Variants in PLPP4 observed in about 807,000 individuals in gnomAD.
PLPP4 encodes diacylglycerol pyrophosphate like 2.
Under a neutral mutation model 32.2 loss-of-function variants are expected in PLPP4, and 20 were observed. That is an observed-to-expected ratio of 0.62 (90% CI 0.44 to 0.90). PLPP4 has a LOEUF of 0.90. Among genes scored for constraint, PLPP4 ranks in the 40% least tolerant of loss-of-function variants. The pLI, the probability that PLPP4 is intolerant of heterozygous loss-of-function variation, is 0.00. For synonymous variants in PLPP4, 127 were observed against 133.0 expected, an observed-to-expected ratio of 0.95 and a Z score of 0.31; for missense variants, 257 against 353.1, an observed-to-expected ratio of 0.73 and a Z score of 2.18.
chr10:120,467,128 G>T (rs573679984), intron 1 of PLPP4, among the ~76,000 whole-genome samples: 1 of 147,560 alleles, frequency 6.8e-6, no homozygotes, highest in Non-Finnish European at 1.5e-5. Flanking sequence ...GCCCAGGCTG[G>T]ACTGCAGTGG....
chr10:120,577,097 A>C (rs780471326), intron 6 of PLPP4, among the ~76,000 whole-genome samples: 5 of 152,252 alleles, frequency 3.3e-5, no homozygotes, highest in Non-Finnish European at 7.3e-5. Context: ...TTTACTACAC[A>C]CATGCAAAGT....
chr10:120,476,653 G>A (rs185140667), intron 1 of PLPP4, among the ~76,000 whole-genome samples: 4 of 152,318 alleles, frequency 2.6e-5, no homozygotes, highest in African/African-American at 9.6e-5. Context: ...CAGTCTAGTG[G>A]TGATGATCCG....
intron 1 of PLPP4, among the ~76,000 whole-genome samples, chr10:120,478,508 TATATG>T (rs919125492): frequency 6.6e-6 from 1 of 152,250 alleles, no homozygotes; most frequent in African/African-American, 2.4e-5. Flanking sequence ...GTAGGAAACT[TATATG>T]ATACACAGAG....
intron 5 of PLPP4, among the ~76,000 whole-genome samples, chr10:120,572,308 A>T (rs1486701106): frequency 6.6e-6 from 1 of 152,260 alleles, no homozygotes; most frequent in African/African-American, 2.4e-5. Context: ...CCATTTGCCC[A>T]ACAGTGGAGG....
intron 1 of PLPP4, among the ~76,000 whole-genome samples, chr10:120,467,867 T>C (rs1397539791): frequency 1.5e-5 from 1 of 64,652 alleles, no homozygotes. Flanking sequence ...TTAGTCACTT[T>C]TCCTGATCCT....
intron 6 of PLPP4, among the ~76,000 whole-genome samples, chr10:120,580,668 C>CACACAT (rs1455903682): frequency 6.9e-6 from 1 of 145,488 alleles, no homozygotes; most frequent in East Asian, 2.0e-4. Context: ...CACACACACA[C>CACACAT]ACACACACAC....
intron 6 of PLPP4, among the ~76,000 whole-genome samples, chr10:120,586,495 A>T (rs1849768382): frequency 6.6e-6 from 1 of 152,098 alleles, no homozygotes; most frequent in Non-Finnish European, 1.5e-5. Context: ...CTGACTCAGG[A>T]TCACATTCCT....
At chr10:120,463,867 T>C (rs1589708793) in intron 1 of PLPP4, among the ~76,000 whole-genome samples, 1 of 152,048 alleles carries the variant, frequency 6.6e-6, no homozygotes, top group African/African-American at 2.4e-5. Flanking sequence ...CAGGCTGGAG[T>C]GCAGTGGCAT....
intron 5 of PLPP4, among the ~76,000 whole-genome samples, chr10:120,543,246 TC>T (rs1353863765): frequency 6.6e-6 from 1 of 152,184 alleles, no homozygotes; most frequent in African/African-American, 2.4e-5. Context: ...ACCTTTTCAG[TC>T]CTTCCTCCTC....
intron 2 of PLPP4, among the ~76,000 whole-genome samples, chr10:120,512,067 C>T (rs1845750391): frequency 6.6e-6 from 1 of 151,986 alleles, no homozygotes; most frequent in African/African-American, 2.4e-5. Flanking sequence ...GCACTCCAGC[C>T]TGGGTGACAG....
intron 5 of PLPP4, among the ~76,000 whole-genome samples, chr10:120,529,077 G>A (rs1564818545): frequency 6.6e-6 from 1 of 152,010 alleles, no homozygotes; most frequent in Admixed American, 6.6e-5. Flanking sequence ...TCCTCAGGGG[G>A]CATATGAGAA....
intron 1 of PLPP4, among the ~76,000 whole-genome samples, chr10:120,479,501 G>A (rs1844102490): frequency 6.6e-6 from 1 of 152,140 alleles, no homozygotes; most frequent in Non-Finnish European, 1.5e-5. Context: ...CTGAAATGAT[G>A]CTGTCCGTTA....
At position 120,592,014 on chromosome 10, in the gene PLPP4, C is replaced by T. The variant is rs755284408; in HGVS notation, c.*2512C>T. The stretch of plus-strand genomic sequence containing the variant: ...ATGTTTCAATTTCATGCTCTATTCA[C>T]GTGAAGTAAATATAACATCACAGTG... On this transcript the variant is annotated 3_prime_UTR_variant, in exon 7 of 7. Coordinates refer to ENST00000398250, the MANE Select transcript of PLPP4 (RefSeq NM_001030059.3). 4.6e-5 allele frequency among the ~76,000 whole-genome samples: 7 copies of T among 152,112 alleles called. No homozygotes were observed. The highest frequency in any genetic ancestry group is 1.2e-4 in the African/African-American group (5 of 41,408).
rs1416154744 is a variant in PLPP4, at chr10:120,586,344, G to A, written c.617-2959G>A. Among the ~76,000 whole-genome samples the A allele has an allele frequency of 5.4e-5, 8 of 147,430 alleles. No individual in the cohort carries two copies. The South Asian group carries it at 1.5e-3, about 27-fold the overall frequency. ...GTTTTAGTAGAGACAGGGTTTCACC[G>A]TGTTGCCCAGGCTGGTCTCAAACTC... is the stretch of plus-strand genomic sequence containing the variant. On this transcript the variant is annotated intron_variant, in intron 6 of 6. Coordinates refer to ENST00000398250, the MANE Select transcript of PLPP4 (RefSeq NM_001030059.3).
At chr10:120,587,836 G>A (rs910485155) in intron 6 of PLPP4, among the ~76,000 whole-genome samples, 1 of 152,210 alleles carries the variant, frequency 6.6e-6, no homozygotes, top group Non-Finnish European at 1.5e-5. Flanking sequence ...ATAGTGCGTT[G>A]CTTACTGGGA....
chr10:120,461,287 C>T (rs996339581), intron 1 of PLPP4, among the ~76,000 whole-genome samples: 9 of 152,154 alleles, frequency 5.9e-5, no homozygotes, highest in East Asian at 1.9e-4. Flanking sequence ...TTTCTTCCAC[C>T]GTTTTTGGCT....
intron 5 of PLPP4, among the ~76,000 whole-genome samples, chr10:120,538,052 C>CTCTCTGTGTGTGTGTG (rs1847142984): frequency 1.1e-4 from 2 of 18,994 alleles, no homozygotes; most frequent in African/African-American, 2.5e-4. Context: ...CTCTCTCTCT[C>CTCTCTGTGTGTGTGTG]TGTGTGTGTG....
At chr10:120,510,905 G>A (rs1571101) in intron 2 of PLPP4, among the ~76,000 whole-genome samples, 67,259 of 152,052 alleles carry the variant, frequency 0.44, 15,078 homozygotes, top group South Asian at 0.59. Context: ...CTTTTAGGAT[G>A]AGAGGAGGAA....
chr10:120,522,424 A>G (rs1055832130), intron 5 of PLPP4, among the ~76,000 whole-genome samples: 1 of 152,184 alleles, frequency 6.6e-6, no homozygotes, highest in Non-Finnish European at 1.5e-5. Context: ...AGTTTTACAC[A>G]TAAGGGCACT....
Sources: gnomAD v4.1 joint callset for allele counts (sites outside exome capture counted in the v4.1 genomes callset) on GRCh38, gnomAD v4.1.1 for gene constraint, MANE v1.5 for transcripts, NCBI Gene and HGNC (gene_info 2026-07-23, HGNC 2026-07-21) for gene names.